The following MUC5AC variants were observed in gnomAD, a reference collection of about 807,000 sequenced individuals.
The protein encoded by MUC5AC is mucin-5AC.
In MUC5AC, 158 loss-of-function variants were observed where a neutral mutation model predicts 169.7. The ratio of observed to expected loss-of-function variants is 0.93; its 90% CI spans 0.82 to 1.06. MUC5AC has a LOEUF of 1.06. Among genes scored for constraint, MUC5AC ranks in the 50% least tolerant of loss-of-function variants. The pLI is 0.00. For synonymous variants in MUC5AC, 1,975 were observed against 1,237.0 expected (o/e 1.60, Z -12.52); for missense variants, 4,359 against 3,089.9 (o/e 1.41, Z -9.74).
At position 1,200,427 on chromosome 11, in the gene MUC5AC, C is replaced by G. The variant is rs1224423376; in HGVS notation, c.16701-11C>G. 2 of 685,018 alleles carry G rather than the reference C, an allele frequency of 2.9e-6. No individual in the cohort carries two copies. The highest frequency in any genetic ancestry group is 5.4e-6 in the Non-Finnish European group (2 of 373,012). 42.4% of individuals were successfully genotyped at this position (685,018 alleles called of 1,614,324 possible). A position where few individuals can be genotyped will look rare whatever the true frequency, so the allele number is the denominator to read the frequency against. ...GCGCAGCAGCTGGTGCTGAGCAGCC[C>G]CTGCCCACAGGTACTCGCTCGAGGG... On this transcript the variant is annotated splice_polypyrimidine_tract_variant and intron_variant, in intron 48 of 48. Coordinates refer to ENST00000621226, the MANE Select transcript of MUC5AC (RefSeq NM_001304359.2).
Position 1,186,167 on chromosome 11 carries a change from C to T in MUC5AC, c.8022C>T (p.Thr2674=). ...CCAGCACAATCTCTGTTCCTACCAC[C>T]AGCACAACTTCTGCTTCTACAACCA... The part of the protein sequence containing the change: ...PTTSTISVPT[T]STTSASTTST... Residue 2674 remains threonine, a synonymous_variant, in exon 31 of 49, where the codon ACC becomes ACT. Transcript: ENST00000621226. 1 of 746,996 alleles carries T rather than the reference C, an allele frequency of 1.3e-6. No homozygotes were observed. Among genetic ancestry groups the T allele is most frequent in the Non-Finnish European group, 2.4e-6 (1 of 408,314 alleles). The allele number at this position is 746,996 out of a possible 1,614,324, so 46.3% of individuals were successfully genotyped here.
At position 1,186,739 on chromosome 11, in the gene MUC5AC, C is replaced by T. The variant is rs1254326514; in HGVS notation, c.8594C>T (p.Thr2865Ile). ...ACAACCAGAACAACCTCTGTCCCTA[C>T]AAGCAGCACAACCTCCACTGCTACA... ...APTTRTTSVP[T>I]SSTTSTATTS... Residue 2865 changes from threonine to isoleucine, a missense_variant, in exon 31 of 49, where the codon ACA (threonine) becomes ATA (isoleucine). Physicochemically the swap from Thr to Ile is moderately conservative, Grantham distance 89. Transcript: ENST00000621226. 1.4e-6 allele frequency: 1 copy of T among 731,226 alleles called. No individual in the cohort carries two copies. Among genetic ancestry groups the T allele is most frequent in the African/African-American group, 1.7e-5 (1 of 57,578 alleles). The allele number at this position is 731,226 out of a possible 1,614,324, so 45.3% of individuals were successfully genotyped here. A position where few individuals can be genotyped will look rare whatever the true frequency, so the allele number is the denominator to read the frequency against.
Position 1,190,119 on chromosome 11 carries a change from C to T in MUC5AC, c.11974C>T (p.Arg3992Cys), listed in dbSNP as rs1861052264. 14 of 762,126 alleles carry T rather than the reference C, an allele frequency of 1.8e-5. No homozygotes were observed. Among genetic ancestry groups the T allele is most frequent in the South Asian group, 5.4e-5 (4 of 74,110 alleles). 47.2% of individuals were successfully genotyped at this position (762,126 alleles called of 1,614,324 possible). A position where few individuals can be genotyped will look rare whatever the true frequency, so the allele number is the denominator to read the frequency against. The change falls in exon 31 of 49, where the codon CGC becomes TGC. Residue 3992 changes from arginine (R) to cysteine (C), a missense_variant. Physicochemically the swap from Arg to Cys is radical, Grantham distance 180. Transcript: ENST00000621226. ...NIIRSGEKIC[R>C]RPEEITRLQC... ...CATCAGGAGTGGGGAAAAAATCTGC[C>T]GCCGACCTGAGGAGATCACCAGGCT...
intron 15 of MUC5AC, among the ~76,000 whole-genome samples, chr11:1,169,845 CTCACCGACTCACCCAT>C (rs1860447284): frequency 7.1e-6 from 1 of 141,142 alleles, no homozygotes; most frequent in South Asian, 2.4e-4. Flanking sequence ...CACTCACCCA[CTCACCGACTCACCCAT>C]TCACCCACTC....
rs1564907794 is a variant in MUC5AC, at chr11:1,165,745, CTA to C, written c.1373_1374del (p.Tyr458CysfsTer7). On this transcript the variant is annotated frameshift_variant, in exon 11 of 49. Coordinates refer to ENST00000621226, the MANE Select transcript of MUC5AC (RefSeq NM_001304359.2). LOFTEE classifies it high-confidence loss of function. ...AATACACGGTGCACGGCGACTGCAG[CTA>C]TGTGCTGACCAAGGTACGGCCTGGC... ...KQYTVHGDCSYVLTKPCDSSA... is the reference protein window; with the variant it reads ...KQYTVHGDCSXVLTKPCDSSA... The C allele has an allele frequency of 6.2e-7, 1 of 1,612,102 alleles. No individual in the cohort carries two copies. Among genetic ancestry groups the C allele is most frequent in the East Asian group, 2.2e-5 (1 of 44,892 alleles).
chr11:1,197,420 C>T (rs1178196578), intron 40 of MUC5AC, 48 bp from the exon 41 acceptor site: 2 of 696,124 alleles, frequency 2.9e-6, no homozygotes, highest in South Asian at 3.0e-5. Context: ...TGCTGCACCC[C>T]TGGGTGGAGC....
At position 1,189,370 on chromosome 11, in the gene MUC5AC, C is replaced by T; in HGVS notation, c.11225C>T (p.Thr3742Ile). The change falls in exon 31 of 49, where the codon ACC (threonine) becomes ATC (isoleucine). Residue 3742 changes from threonine (T) to isoleucine (I), a missense_variant. Thr to Ile is a moderately conservative substitution (Grantham distance 89). Transcript: ENST00000621226. ...ACCAGCACAATCTCTGCCCCTACAA[C>T]CAGCACAATCTCTGCCCCTACAACC... ...PTTSTISAPT[T>I]STISAPTTST... The T allele has an allele frequency of 1.7e-6, 1 of 579,220 alleles. No homozygotes were observed. Among genetic ancestry groups the T allele is most frequent in the East Asian group, 2.8e-5 (1 of 35,930 alleles). The allele number at this position is 579,220 out of a possible 1,614,324, so 35.9% of individuals were successfully genotyped here.
In MUC5AC at chr11:1,187,932, C is replaced by T; in HGVS notation, c.9787C>T (p.Pro3263Ser). ...IRSGEKICRR[P>S]EEITRLQCRA... ...GAGTGGGGAAAAAATCTGCCGCCGA[C>T]CTGAGGAGATCACCAGGCTCCAGTG... Residue 3263 changes from proline to serine, a missense_variant, in exon 31 of 49, where the codon CCT becomes TCT. Coordinates refer to ENST00000621226, the MANE Select transcript of MUC5AC (RefSeq NM_001304359.2). The T allele has an allele frequency of 4.0e-6, 3 of 756,524 alleles. No homozygotes were observed. Among genetic ancestry groups the T allele is most frequent in the Non-Finnish European group, 7.3e-6 (3 of 412,920 alleles). 46.9% of individuals were successfully genotyped at this position (756,524 alleles called of 1,614,324 possible).
At position 1,158,070 on chromosome 11, in the gene MUC5AC, C is replaced by T; in HGVS notation, c.71C>T (p.Thr24Ile). ...LALALACTRH[T>I]GHAQDGSSES... is the part of the protein sequence containing the mutation. The stretch of plus-strand genomic sequence containing the variant: ...CTCGCTCTGGCCTGCACCCGGCATA[C>T]AGGTACGGCTTGGCCCCTGGCCGCT... The change falls in exon 1 of 49, where the codon ACA (threonine) becomes ATA (isoleucine). Residue 24 changes from threonine (T) to isoleucine (I), a missense_variant and splice_region_variant. By Grantham distance (89) the Thr-to-Ile change is moderately conservative. Coordinates refer to ENST00000621226, the MANE Select transcript of MUC5AC (RefSeq NM_001304359.2). The T allele has an allele frequency of 1.2e-6, 2 of 1,605,720 alleles. No homozygotes were observed. Among genetic ancestry groups the T allele is most frequent in the South Asian group, 2.2e-5 (2 of 89,670 alleles).
chr11:1,163,664 C>T, intron 6 of MUC5AC, among the ~76,000 whole-genome samples: 1 of 152,176 alleles, frequency 6.6e-6, no homozygotes, highest in East Asian at 1.9e-4. Flanking sequence ...TGGGCTGTTT[C>T]TCCCCATCAT....
In MUC5AC at chr11:1,191,525, C is replaced by T; in HGVS notation, c.13380C>T (p.Leu4460=). ...CTTCTACAACCAGCACAATCTCTCTCCCTACAACCAGCACAACCTCTGCTC... is the reference window on the plus strand; with the variant it reads ...CTTCTACAACCAGCACAATCTCTCTTCCTACAACCAGCACAACCTCTGCTC... ...TSASTTSTIS[L]PTTSTTSAPI... Residue 4460 remains leucine (L), a synonymous_variant, in exon 31 of 49, where the codon CTC becomes CTT. Coordinates refer to ENST00000621226, the MANE Select transcript of MUC5AC (RefSeq NM_001304359.2). 1 of 634,910 alleles carries T rather than the reference C, an allele frequency of 1.6e-6. No homozygotes were observed. The highest frequency in any genetic ancestry group is 2.9e-6 in the Non-Finnish European group (1 of 349,292). The allele number at this position is 634,910 out of a possible 1,614,324, so 39.3% of individuals were successfully genotyped here.
chr11:1,169,830 CCACT>C lies in MUC5AC; in HGVS notation c.1870+812_1870+815del, dbSNP rs1306007517. Among the ~76,000 whole-genome samples the C allele has an allele frequency of 5.3e-3, 724 of 136,712 alleles. 6 individuals are homozygous for C. Among genetic ancestry groups the C allele is most frequent in the African/African-American group, 0.019 (689 of 36,080 alleles). 89.7% of individuals were successfully genotyped at this position (136,712 alleles called of 152,430 possible). The stretch of plus-strand genomic sequence containing the variant: ...CTCACTCACCCACTCACCCATTCAC[CCACT>C]CACTCACCCACTCACCGACTCACCC... On this transcript the variant is annotated intron_variant, in intron 15 of 48. Transcript: ENST00000621226.
rs2133752090 is a variant in MUC5AC, at chr11:1,182,232, A to G, written c.4087A>G (p.Thr1363Ala). ...CCCTCCGAGCAGCGCCTGGCCCACC[A>G]CAGCAGGCACTTCTCCCAGGACGAG... ...TGPPSSAWPT[T>A]AGTSPRTRLP... The change falls in exon 31 of 49, where the codon ACA becomes GCA. Residue 1363 changes from threonine (T) to alanine (A), a missense_variant. Physicochemically the swap from Thr to Ala is moderately conservative, Grantham distance 58. Transcript: ENST00000621226. The G allele has an allele frequency of 2.5e-6, 1 of 398,568 alleles. No individual in the cohort carries two copies. Among genetic ancestry groups the G allele is most frequent in the Non-Finnish European group, 4.4e-6 (1 of 226,040 alleles). 24.7% of individuals were successfully genotyped at this position (398,568 alleles called of 1,614,324 possible). A position where few individuals can be genotyped will look rare whatever the true frequency, so the allele number is the denominator to read the frequency against.
In MUC5AC at chr11:1,164,099, G is replaced by A. The variant is rs1860230467; in HGVS notation, c.790-7G>A. On this transcript the variant is annotated splice_region_variant and splice_polypyrimidine_tract_variant and intron_variant, in intron 7 of 48. Transcript: ENST00000621226. The stretch of plus-strand genomic sequence containing the variant: ...AGGACTCAGACGGGCTGTGGCCTTT[G>A]TCCTAGGGCATCTGTGAGGAGCTCC... 2 of 1,612,066 alleles carry A rather than the reference G, an allele frequency of 1.2e-6. No homozygotes were observed. The highest frequency in any genetic ancestry group is 2.7e-5 in the African/African-American group (2 of 75,040).
At chr11:1,177,365 G>A (rs943300175) in intron 23 of MUC5AC, 21 bp downstream of exon 23, 34 of 426,780 alleles carry the variant, frequency 8.0e-5, no homozygotes, top group Non-Finnish European at 1.4e-4. Context: ...CTGGGTGGTC[G>A]CATGCCCTCC....
Position 1,182,181 on chromosome 11 carries a change from A to G in MUC5AC, c.4036A>G (p.Asn1346Asp), listed in dbSNP as rs890245130. Reference sequence around the variant, plus strand: ...CGTGAGCTCCACGCACACCCCCAGCAATGGCCCAAGCAGCGCGCACACAGG... The same window carrying G: ...CGTGAGCTCCACGCACACCCCCAGCGATGGCCCAAGCAGCGCGCACACAGG... Reference protein sequence around the residue: ...LVVSSTHTPSNGPSSAHTGPP... With the variant: ...LVVSSTHTPSDGPSSAHTGPP... The change falls in exon 31 of 49, where the codon AAT becomes GAT. Residue 1346 changes from asparagine (N) to aspartate (D), a missense_variant. Coordinates refer to ENST00000621226, the MANE Select transcript of MUC5AC (RefSeq NM_001304359.2). The G allele has an allele frequency of 3.1e-4, 122 of 398,506 alleles. No individual in the cohort carries two copies. The highest frequency in any genetic ancestry group is 4.8e-4 in the Non-Finnish European group (108 of 226,118). The allele number at this position is 398,506 out of a possible 1,614,324, so 24.7% of individuals were successfully genotyped here.
rs1362084258 is a variant in MUC5AC, at chr11:1,197,984, G to A, written c.16115G>A (p.Cys5372Tyr). 1 of 722,680 alleles carries A rather than the reference G, an allele frequency of 1.4e-6. No homozygotes were observed. The highest frequency in any genetic ancestry group is 2.5e-6 in the Non-Finnish European group (1 of 397,424). 44.8% of individuals were successfully genotyped at this position (722,680 alleles called of 1,614,324 possible). A position where few individuals can be genotyped will look rare whatever the true frequency, so the allele number is the denominator to read the frequency against. Residue 5372 changes from cysteine (C) to tyrosine (Y), a missense_variant, in exon 42 of 49, where the codon TGC becomes TAC. Physicochemically the swap from Cys to Tyr is radical, Grantham distance 194. Transcript: ENST00000621226. ...RAIPTYQEGA[C>Y]CPVQNCSWTV... ...ATCCCGACCTACCAGGAGGGGGCCT[G>A]CTGCCCAGTCCAAAACTGCAGTGAG... is the stretch of plus-strand genomic sequence containing the variant.
rs1366130436 is a variant in MUC5AC at position 1,179,121 on chromosome 11, C to T, written c.3357C>T (p.Cys1119=). 15 of 628,174 alleles carry T rather than the reference C, an allele frequency of 2.4e-5. No individual in the cohort carries two copies. Among genetic ancestry groups the T allele is most frequent in the South Asian group, 7.2e-5 (4 of 55,466 alleles). The allele number at this position is 628,174 out of a possible 1,614,324, so 38.9% of individuals were successfully genotyped here. ...AGCCGGCCAGGTACTACGAGGCCTG[C>T]GTGAACGACGCGTGCGCCTGCGACT... The part of the protein sequence containing the change: ...HVEPARYYEA[C]VNDACACDSG... Residue 1119 remains cysteine (C), a synonymous_variant, in exon 26 of 49, where the codon TGC becomes TGT. Transcript: ENST00000621226.
At position 1,192,501 on chromosome 11, in the gene MUC5AC, G is replaced by A. The variant is rs566380274; in HGVS notation, c.14356G>A (p.Val4786Met). 1.4e-4 allele frequency: 108 copies of A among 765,036 alleles called. 2 individuals carry two copies. The highest frequency in any genetic ancestry group is 1.1e-3 in the South Asian group (80 of 74,626). The allele number at this position is 765,036 out of a possible 1,614,324, so 47.4% of individuals were successfully genotyped here. ...CTCCACCCAAACCTGCTTCTGCAAC[G>A]TGGCTGACCGGCTCTACCCTGCAGG... ...AYSTQTCFCN[V>M]ADRLYPAGST... is the part of the protein sequence containing the mutation. Residue 4786 changes from valine to methionine, a missense_variant, in exon 31 of 49, where the codon GTG (valine) becomes ATG (methionine). Val to Met is a conservative substitution (Grantham distance 21). Coordinates refer to ENST00000621226, the MANE Select transcript of MUC5AC (RefSeq NM_001304359.2).
Sources: allele counts gnomAD v4.1 joint callset (sites outside exome capture counted in the v4.1 genomes callset), GRCh38; gene constraint gnomAD v4.1.1; transcripts MANE v1.5; gene names NCBI Gene and HGNC (gene_info 2026-07-23, HGNC 2026-07-21).